The following SLC12A2 variants were observed in gnomAD, a reference collection of about 807,000 sequenced individuals.
SLC12A2 encodes solute carrier family 12 member 2, also known as Na-K-2Cl cotransporter 1.
A neutral mutation model predicts 136.3 loss-of-function variants in SLC12A2; 67 were observed. The observed-to-expected ratio is 0.49, with a 90% CI of 0.40 to 0.60. The LOEUF is 0.60. Among genes scored for constraint, SLC12A2 ranks in the 20% least tolerant of loss-of-function variants. The pLI, the probability that SLC12A2 is intolerant of heterozygous loss-of-function variation, is 0.00. For synonymous variants in SLC12A2, 619 were observed against 562.9 expected (o/e 1.10, Z -1.41); for missense variants, 1,322 against 1,534.7 (o/e 0.86, Z 2.32).
intron 4 of SLC12A2, among the ~76,000 whole-genome samples, chr5:128,117,271 T>G (rs923077484): frequency 3.3e-5 from 5 of 152,178 alleles, no homozygotes; most frequent in Non-Finnish European, 7.3e-5. Context: ...GAGCTAACAC[T>G]GGCTAAAGTT....
chr5:128,187,079 A>T lies in SLC12A2; in HGVS notation c.*448A>T, dbSNP rs1212106732. The T allele has an allele frequency of 3.8e-5, 6 of 157,326 alleles. No homozygotes were observed. Among genetic ancestry groups the T allele is most frequent in the Non-Finnish European group, 1.4e-5 (1 of 70,648 alleles). The allele number at this position is 157,326 out of a possible 1,614,324, so 9.7% of individuals were successfully genotyped here. On this transcript the variant is annotated 3_prime_UTR_variant, in exon 27 of 27. Transcript: ENST00000262461. ...TCTCTTCCACTTTAAAACAAAATGA[A>T]CACTGCTTGTCTTCTTCCATTGACC...
At chr5:128,123,303 A>G (rs560467456) in intron 4 of SLC12A2, among the ~76,000 whole-genome samples, 2 of 152,240 alleles carry the variant, frequency 1.3e-5, no homozygotes, top group East Asian at 3.9e-4. Context: ...AATAGAGAAA[A>G]TTTGCCAAAC....
intron 17 of SLC12A2, among the ~76,000 whole-genome samples, chr5:128,165,285 C>G (rs551450986): frequency 3.9e-5 from 6 of 152,296 alleles, no homozygotes; most frequent in Middle Eastern, 3.4e-3. Flanking sequence ...TTTTGTAAGG[C>G]AATAGCCACC....
intron 4 of SLC12A2, among the ~76,000 whole-genome samples, chr5:128,126,712 G>C (rs1761807147): frequency 6.6e-6 from 1 of 151,836 alleles, no homozygotes; most frequent in African/African-American, 2.4e-5. Context: ...GAACAATGGT[G>C]ACTAGAAGTG....
At chr5:128,132,867 A>T (rs563715009) in intron 5 of SLC12A2, among the ~76,000 whole-genome samples, 5 of 152,040 alleles carry the variant, frequency 3.3e-5, no homozygotes, top group African/African-American at 1.2e-4. Context: ...GGTTTACTCT[A>T]TGAAGTCTTA....
At chr5:128,105,466 G>A (rs1406389371) in intron 1 of SLC12A2, among the ~76,000 whole-genome samples, 1 of 152,136 alleles carries the variant, frequency 6.6e-6, no homozygotes, top group Non-Finnish European at 1.5e-5. Flanking sequence ...CAGTGAGACA[G>A]GAACTGAAAA....
intron 24 of SLC12A2, among the ~76,000 whole-genome samples, 175 bp downstream of exon 24, chr5:128,183,116 A>C (rs1487113659): frequency 6.6e-6 from 1 of 152,098 alleles, no homozygotes; most frequent in African/African-American, 2.4e-5. Context: ...AGAAAGTCTA[A>C]AGAGTTTTCA....
intron 19 of SLC12A2, among the ~76,000 whole-genome samples, chr5:128,173,076 C>G (rs1763432684): frequency 6.6e-6 from 1 of 151,702 alleles, no homozygotes; most frequent in Non-Finnish European, 1.5e-5. Flanking sequence ...TAACATATTA[C>G]CCCTATCAAT....
chr5:128,144,421 T>G (rs1255978046), intron 10 of SLC12A2, among the ~76,000 whole-genome samples: 1 of 152,140 alleles, frequency 6.6e-6, no homozygotes, highest in Non-Finnish European at 1.5e-5. Context: ...CATCATAAGA[T>G]CTATACAAGC....
At chr5:128,173,442 T>C (rs1451827443) in intron 19 of SLC12A2, among the ~76,000 whole-genome samples, 1 of 152,240 alleles carries the variant, frequency 6.6e-6, no homozygotes, top group Non-Finnish European at 1.5e-5. Context: ...TTGAAACTTT[T>C]AAAAAGTATT....
chr5:128,111,804 GTGTA>G (rs1761156732), intron 1 of SLC12A2, among the ~76,000 whole-genome samples: 1 of 134,314 alleles, frequency 7.4e-6, no homozygotes, highest in African/African-American at 3.3e-5. Context: ...ATATATGTGT[GTGTA>G]TATACGTGTG....
chr5:128,090,334 G>T (rs1051734686), intron 1 of SLC12A2, among the ~76,000 whole-genome samples: 1 of 152,146 alleles, frequency 6.6e-6, no homozygotes, highest in African/African-American at 2.4e-5. Flanking sequence ...TTAAAATCCT[G>T]TGAGACTAGA....
At chr5:128,177,184 CT>C in intron 21 of SLC12A2, 32 bp downstream of exon 21, 2 of 1,492,836 alleles carry the variant, frequency 1.3e-6, no homozygotes, top group Non-Finnish European at 1.8e-6. Context: ...ATTTTAAACC[CT>C]TTTTCATACT....
At chr5:128,182,804 C>A (rs769266150) in intron 23 of SLC12A2, 51 bp from the exon 24 acceptor site, 3 of 1,283,794 alleles carry the variant, frequency 2.3e-6, no homozygotes, top group African/African-American at 2.9e-5. Flanking sequence ...GGATTCAGCC[C>A]AATATAGAAT....
At chr5:128,160,013 A>G (rs1309784287) in intron 16 of SLC12A2, among the ~76,000 whole-genome samples, 1 of 152,332 alleles carries the variant, frequency 6.6e-6, no homozygotes, top group East Asian at 1.9e-4. Context: ...GATAGACTGG[A>G]TAAGGAAAAT....
intron 21 of SLC12A2, chr5:128,177,435 T>C: frequency 3.9e-6 from 1 of 255,670 alleles, no homozygotes; most frequent in Non-Finnish European, 7.4e-6. Flanking sequence ...ACTGCATGGT[T>C]TAGATGATAA....
intron 20 of SLC12A2, among the ~76,000 whole-genome samples, chr5:128,175,320 C>A (rs1581137539): frequency 6.6e-6 from 1 of 152,044 alleles, no homozygotes; most frequent in East Asian, 1.9e-4. Flanking sequence ...TTATTTCTTT[C>A]CTTCTCATTT....
chr5:128,107,316 A>G (rs547360314), intron 1 of SLC12A2, among the ~76,000 whole-genome samples: 1 of 152,216 alleles, frequency 6.6e-6, no homozygotes, highest in African/African-American at 2.4e-5. Flanking sequence ...ATTATACTTT[A>G]AGTTCTAGCA....
chr5:128,146,126 G>T (rs1033709528), intron 10 of SLC12A2, among the ~76,000 whole-genome samples: 1 of 151,766 alleles, frequency 6.6e-6, no homozygotes, highest in Non-Finnish European at 1.5e-5. Flanking sequence ...CTTTGTGTGT[G>T]TATATATATA....
Sources: gnomAD v4.1 joint callset for allele counts (sites outside exome capture counted in the v4.1 genomes callset) on GRCh38, gnomAD v4.1.1 for gene constraint, MANE v1.5 for transcripts, NCBI Gene and HGNC (gene_info 2026-07-23, HGNC 2026-07-21) for gene names.